The following NTN3 variants were observed in gnomAD, a reference collection of about 807,000 sequenced individuals.
The protein encoded by NTN3 is netrin-3.
NTN3 carries 44 observed loss-of-function variants against 37.2 expected under a neutral mutation model. That is an observed-to-expected ratio of 1.18 (90% CI 0.93 to 1.52). The LOEUF (loss-of-function observed/expected upper bound fraction) is 1.52. Among genes scored for constraint, NTN3 ranks in the 40% most tolerant of loss-of-function variants. The probability of loss-of-function intolerance (pLI) is 0.00; values close to 1 mark genes in which losing one functional copy is unlikely to be tolerated. For missense variants in NTN3, 882 were observed against 857.3 expected, an observed-to-expected ratio of 1.03 and a Z score of -0.36; for synonymous variants, 385 against 376.0, an observed-to-expected ratio of 1.02 and a Z score of -0.28.
chr16:2,471,647 C>T lies in NTN3; in HGVS notation c.-55C>T. On this transcript the variant is annotated 5_prime_UTR_variant, in exon 1 of 6. Transcript: ENST00000293973. ...AGAGCCGCGGAGAGGGCTTCTTTTCCCCAAGGGCAGCGTCTTGGGGCCCGG... is the reference window on the plus strand; with the variant it reads ...AGAGCCGCGGAGAGGGCTTCTTTTCTCCAAGGGCAGCGTCTTGGGGCCCGG... 2 of 1,239,672 alleles carry T rather than the reference C, an allele frequency of 1.6e-6. No individual in the cohort carries two copies. The highest frequency in any genetic ancestry group is 1.0e-6 in the Non-Finnish European group (1 of 971,630). 76.8% of individuals were successfully genotyped at this position (1,239,672 alleles called of 1,614,324 possible). A position where few individuals can be genotyped will look rare whatever the true frequency, so the allele number is the denominator to read the frequency against.
Position 2,471,573 on chromosome 16 carries a change from C to A in NTN3, c.-129C>A. On this transcript the variant is annotated 5_prime_UTR_variant, in exon 1 of 6. It adds an upstream start codon to the 5' untranslated region. Transcript: ENST00000293973. ...CCGCTGCTCCCACCTCTGGGCCGGG[C>A]TGGGGCCGCCCGGGGGCCCTGTTCC... is the stretch of plus-strand genomic sequence containing the variant. The A allele has an allele frequency of 1.6e-6, 1 of 640,508 alleles. No individual in the cohort carries two copies. Among genetic ancestry groups the A allele is most frequent in the Non-Finnish European group, 2.3e-6 (1 of 434,066 alleles). 39.7% of individuals were successfully genotyped at this position (640,508 alleles called of 1,614,324 possible).
chr16:2,471,910 C>T lies in NTN3; in HGVS notation c.209C>T (p.Ser70Phe). 1 of 1,535,394 alleles carries T rather than the reference C, an allele frequency of 6.5e-7. No individual in the cohort carries two copies. Among genetic ancestry groups the T allele is most frequent in the Non-Finnish European group, 8.7e-7 (1 of 1,148,530 alleles). The change falls in exon 1 of 6, where the codon TCC (serine) becomes TTC (phenylalanine). Residue 70 changes from serine to phenylalanine, a missense_variant. Coordinates refer to ENST00000293973, the MANE Select transcript of NTN3 (RefSeq NM_006181.3). ...GRPATRACDA[S>F]DPRRAHSPAL... ...CCGGCCACTCGGGCCTGCGACGCCT[C>T]CGACCCGCGACGGGCACACTCCCCC...
chr16:2,472,098 G>A lies in NTN3; in HGVS notation c.397G>A (p.Ala133Thr), dbSNP rs138065530. 8.6e-5 allele frequency: 138 copies of A among 1,606,810 alleles called. 2 individuals carry two copies. Among genetic ancestry groups the A allele is most frequent in the Admixed American group, 2.7e-4 (16 of 59,716 alleles). The change falls in exon 1 of 6, where the codon GCC becomes ACC. Residue 133 changes from alanine to threonine, a missense_variant. Coordinates refer to ENST00000293973, the MANE Select transcript of NTN3 (RefSeq NM_006181.3). ...RFCSAPPASVALLKSQDHGRS... is the reference protein window; with the variant it reads ...RFCSAPPASVTLLKSQDHGRS... ...CTGCTCAGCTCCCCCAGCCTCCGTGGCCCTGCTCAAGTCTCAGGACCATGG... is the reference window on the plus strand; with the variant it reads ...CTGCTCAGCTCCCCCAGCCTCCGTGACCCTGCTCAAGTCTCAGGACCATGG...
rs750811921 is a variant in NTN3 at position 2,473,330 on chromosome 16, C to T, written c.1318+12C>T. On this transcript the variant is annotated intron_variant, in intron 4 of 5. Transcript: ENST00000293973. The stretch of plus-strand genomic sequence containing the variant: ...TGTGCAGCCCCAGGGTGAGTGGACA[C>T]AGGACAGGGCCCCAGACTGGCATGA... 1.9e-6 allele frequency: 3 copies of T among 1,612,912 alleles called. No individual in the cohort carries two copies. In the South Asian group the frequency reaches 3.3e-5, roughly 18 times the overall value.
chr16:2,473,582 G>A lies in NTN3; in HGVS notation c.1393+79G>A, dbSNP rs1596947560. ...TTCCCTCCTCCGCCAGCTTCCCCTTGGAACGCCTTGACCCTTGCTGGGCCC... is the reference window on the plus strand; with the variant it reads ...TTCCCTCCTCCGCCAGCTTCCCCTTAGAACGCCTTGACCCTTGCTGGGCCC... On this transcript the variant is annotated intron_variant, in intron 5 of 5. Coordinates refer to ENST00000293973, the MANE Select transcript of NTN3 (RefSeq NM_006181.3). 2.7e-6 allele frequency: 4 copies of A among 1,463,120 alleles called. No individual in the cohort carries two copies. In the East Asian group the frequency reaches 9.1e-5, roughly 33 times the overall value. The allele number at this position is 1,463,120 out of a possible 1,614,324, so 90.6% of individuals were successfully genotyped here.
In NTN3 at chr16:2,472,095, G is replaced by A. The variant is rs1271354886; in HGVS notation, c.394G>A (p.Val132Met). The A allele has an allele frequency of 1.9e-6, 3 of 1,606,490 alleles. No homozygotes were observed. The highest frequency in any genetic ancestry group is 1.1e-5 in the South Asian group (1 of 90,780). The change falls in exon 1 of 6, where the codon GTG becomes ATG. Residue 132 changes from valine to methionine, a missense_variant. Transcript: ENST00000293973. ...CTTCTGCTCAGCTCCCCCAGCCTCC[G>A]TGGCCCTGCTCAAGTCTCAGGACCA... ...LRFCSAPPAS[V>M]ALLKSQDHGR...
Position 2,472,172 on chromosome 16 carries a change from C to T in NTN3, c.471C>T (p.Asp157=), listed in dbSNP as rs2065525394. ...TCTTCTCCTCCCACTGTGACCTGGA[C>T]TATGGCCGTCTGCCTGCCCCTGCCA... ...LGFFSSHCDL[D]YGRLPAPANG... is the part of the protein sequence containing the mutation. The change falls in exon 1 of 6, where the codon GAC becomes GAT. Residue 157 remains aspartate, a synonymous_variant. Coordinates refer to ENST00000293973, the MANE Select transcript of NTN3 (RefSeq NM_006181.3). 2.4e-5 allele frequency: 38 copies of T among 1,608,490 alleles called. No homozygotes were observed. The highest frequency in any genetic ancestry group is 3.2e-5 in the Non-Finnish European group (38 of 1,179,858).
chr16:2,472,884 G>T lies in NTN3; in HGVS notation c.1112G>T (p.Cys371Phe), dbSNP rs2065530983. 2 of 1,591,772 alleles carry T rather than the reference G, an allele frequency of 1.3e-6. No individual in the cohort carries two copies. The highest frequency in any genetic ancestry group is 1.3e-5 in the African/African-American group (1 of 74,358). ...PGRALSDRRA[C>F]RACDCHPVGA... ...CGTGCCCTGAGTGACCGTCGGGCTTGCAGGGGTGAGCCACCACCGGCCACC... is the reference window on the plus strand; with the variant it reads ...CGTGCCCTGAGTGACCGTCGGGCTTTCAGGGGTGAGCCACCACCGGCCACC... Residue 371 changes from cysteine (C) to phenylalanine (F), a missense_variant, in exon 2 of 6, where the codon TGC (cysteine) becomes TTC (phenylalanine). Coordinates refer to ENST00000293973, the MANE Select transcript of NTN3 (RefSeq NM_006181.3).
At chr16:2,473,218 C>A in intron 3 of NTN3, 50 bp from the exon 4 acceptor site, 1 of 1,606,102 alleles carries the variant, frequency 6.2e-7, no homozygotes. Flanking sequence ...CCGAGCCCTG[C>A]AGATCTCTCT....
chr16:2,471,657 G>T lies in NTN3; in HGVS notation c.-45G>T. 1 of 1,255,094 alleles carries T rather than the reference G, an allele frequency of 8.0e-7. No individual in the cohort carries two copies. The highest frequency in any genetic ancestry group is 1.0e-6 in the Non-Finnish European group (1 of 984,434). The allele number at this position is 1,255,094 out of a possible 1,614,324, so 77.7% of individuals were successfully genotyped here. A position where few individuals can be genotyped will look rare whatever the true frequency, so the allele number is the denominator to read the frequency against. ...AGAGGGCTTCTTTTCCCCAAGGGCAGCGTCTTGGGGCCCGGCCACTGGCTG... is the reference window on the plus strand; with the variant it reads ...AGAGGGCTTCTTTTCCCCAAGGGCATCGTCTTGGGGCCCGGCCACTGGCTG... On this transcript the variant is annotated 5_prime_UTR_variant, in exon 1 of 6. Coordinates refer to ENST00000293973, the MANE Select transcript of NTN3 (RefSeq NM_006181.3).
rs200926818 is a variant in NTN3 at position 2,473,089 on chromosome 16, G to A, written c.1222G>A (p.Ala408Thr). 75 of 1,609,950 alleles carry A rather than the reference G, an allele frequency of 4.7e-5. No homozygotes were observed. The highest frequency in any genetic ancestry group is 1.5e-5 in the Non-Finnish European group (18 of 1,179,124). The change falls in exon 3 of 6, where the codon GCG becomes ACG. Residue 408 changes from alanine (A) to threonine (T), a missense_variant. Ala to Thr is a moderately conservative substitution (Grantham distance 58). Coordinates refer to ENST00000293973, the MANE Select transcript of NTN3 (RefSeq NM_006181.3). ...CACTGGCCTCACCTGCAACCGCTGC[G>A]CGCCTGGCTTCCAGCAAAGCCGCTC... Reference protein sequence around the residue: ...GVTGLTCNRCAPGFQQSRSPV... With the variant: ...GVTGLTCNRCTPGFQQSRSPV...
In NTN3 at chr16:2,473,257, C is replaced by A. The variant is rs1281977004; in HGVS notation, c.1268-11C>A. On this transcript the variant is annotated splice_polypyrimidine_tract_variant and intron_variant, in intron 3 of 5. Transcript: ENST00000293973. ...CCTCCATCGCAGGCCATTCTCCCTC[C>A]CTCTCTGCAGAGACCCCTATCCCTG... 6.2e-7 allele frequency: 1 copy of A among 1,612,554 alleles called. No homozygotes were observed. Among genetic ancestry groups the A allele is most frequent in the Non-Finnish European group, 8.5e-7 (1 of 1,179,776 alleles).
intron 5 of NTN3, 82 bp downstream of exon 5, chr16:2,473,585 A>C: frequency 6.9e-7 from 1 of 1,453,520 alleles, no homozygotes; most frequent in Non-Finnish European, 9.5e-7. Flanking sequence ...TCCCCTTGGA[A>C]CGCCTTGACC....
chr16:2,472,609 G>T lies in NTN3; in HGVS notation c.908G>T (p.Arg303Leu). 6.3e-7 allele frequency: 1 copy of T among 1,595,256 alleles called. No individual in the cohort carries two copies. The highest frequency in any genetic ancestry group is 8.6e-7 in the Non-Finnish European group (1 of 1,168,880). ...AGGCCATGGCAGCGGGCCACTGCCC[G>T]GGAATCCCACGCCTGCCTCGGTGAG... Reference protein sequence around the residue: ...CDRPWQRATARESHACLACSC... With the variant: ...CDRPWQRATALESHACLACSC... The change falls in exon 1 of 6, where the codon CGG becomes CTG. Residue 303 changes from arginine (R) to leucine (L), a missense_variant. Arg to Leu is a moderately radical substitution (Grantham distance 102, BLOSUM62 -2). Transcript: ENST00000293973.
chr16:2,471,743 G>T lies in NTN3; in HGVS notation c.42G>T (p.Thr14=), dbSNP rs900770117. The T allele has an allele frequency of 2.2e-6, 3 of 1,383,036 alleles. No homozygotes were observed. The highest frequency in any genetic ancestry group is 1.9e-6 in the Non-Finnish European group (2 of 1,075,672). The allele number at this position is 1,383,036 out of a possible 1,614,324, so 85.7% of individuals were successfully genotyped here. A position where few individuals can be genotyped will look rare whatever the true frequency, so the allele number is the denominator to read the frequency against. The part of the protein sequence containing the change: ...WPWGLLLTAG[T]LFAALSPGPP... ...GGGGGCTGCTGCTGACGGCAGGCAC[G>T]CTCTTCGCCGCCCTGAGTCCTGGGC... Residue 14 remains threonine (T), a synonymous_variant, in exon 1 of 6, where the codon ACG becomes ACT. Transcript: ENST00000293973.
chr16:2,472,136 C>A lies in NTN3; in HGVS notation c.435C>A (p.Ala145=). The A allele has an allele frequency of 6.2e-7, 1 of 1,608,362 alleles. No homozygotes were observed. The highest frequency in any genetic ancestry group is 8.5e-7 in the Non-Finnish European group (1 of 1,179,494). The change falls in exon 1 of 6, where the codon GCC becomes GCA. Residue 145 remains alanine, a synonymous_variant. Coordinates refer to ENST00000293973, the MANE Select transcript of NTN3 (RefSeq NM_006181.3). ...CTCAGGACCATGGCCGCAGCTGGGC[C>A]CCGCTGGGCTTCTTCTCCTCCCACT... The part of the protein sequence containing the change: ...LKSQDHGRSW[A]PLGFFSSHCD...
At position 2,473,452 on chromosome 16, in the gene NTN3, G is replaced by A. The variant is rs1247078684; in HGVS notation, c.1342G>A (p.Ala448Thr). Reference protein sequence around the residue: ...PQDCDSHCKPARGSYRISLKK... With the variant: ...PQDCDSHCKPTRGSYRISLKK... Reference sequence around the variant, plus strand: ...AGACTGTGACTCGCACTGCAAACCTGCCCGTGGCAGCTACCGCATCAGCCT... The same window carrying A: ...AGACTGTGACTCGCACTGCAAACCTACCCGTGGCAGCTACCGCATCAGCCT... Residue 448 changes from alanine to threonine, a missense_variant, in exon 5 of 6, where the codon GCC becomes ACC. Physicochemically the swap from Ala to Thr is moderately conservative, Grantham distance 58. Transcript: ENST00000293973. The A allele has an allele frequency of 1.2e-6, 2 of 1,612,862 alleles. No homozygotes were observed. The highest frequency in any genetic ancestry group is 2.7e-5 in the African/African-American group (2 of 74,918).
chr16:2,471,879 G>T lies in NTN3; in HGVS notation c.178G>T (p.Gly60Trp), dbSNP rs1313727786. ...CGAGGTGCTGGCTTCCAGCACGTGC[G>T]GGCGGCCGGCCACTCGGGCCTGCGA... is the stretch of plus-strand genomic sequence containing the variant. ...GREVLASSTC[G>W]RPATRACDAS... is the part of the protein sequence containing the mutation. Residue 60 changes from glycine (G) to tryptophan (W), a missense_variant, in exon 1 of 6, where the codon GGG becomes TGG. Coordinates refer to ENST00000293973, the MANE Select transcript of NTN3 (RefSeq NM_006181.3). 9.5e-6 allele frequency: 14 copies of T among 1,473,982 alleles called. No homozygotes were observed. In the East Asian group the frequency reaches 3.6e-4, roughly 37 times the overall value. 91.3% of individuals were successfully genotyped at this position (1,473,982 alleles called of 1,614,324 possible).
Position 2,474,039 on chromosome 16 carries a change from C to A in NTN3, c.1677C>A (p.Asp559Glu). 8.3e-7 allele frequency: 1 copy of A among 1,203,710 alleles called. No individual in the cohort carries two copies. Among genetic ancestry groups the A allele is most frequent in the Non-Finnish European group, 1.0e-6 (1 of 969,838 alleles). 74.6% of individuals were successfully genotyped at this position (1,203,710 alleles called of 1,614,324 possible). ...GAAGCCTCGTGCTACCCTGGAGGGA[C>A]GCGTGGACGCGGCGCCTGCGGAGGC... Reference protein sequence around the residue: ...ARGSLVLPWRDAWTRRLRRLQ... With the variant: ...ARGSLVLPWREAWTRRLRRLQ... Residue 559 changes from aspartate (D) to glutamate (E), a missense_variant, in exon 6 of 6, where the codon GAC becomes GAA. By Grantham distance (45) the Asp-to-Glu change is conservative. Coordinates refer to ENST00000293973, the MANE Select transcript of NTN3 (RefSeq NM_006181.3).
Sources: gnomAD v4.1 joint callset for allele counts on GRCh38, gnomAD v4.1.1 for gene constraint, MANE v1.5 for transcripts, NCBI Gene and HGNC (gene_info 2026-07-23, HGNC 2026-07-21) for gene names.